The following ALOX5 variants were observed in gnomAD, a reference collection of about 807,000 sequenced individuals.
The protein encoded by ALOX5 is arachidonate 5-lipoxygenase.
In ALOX5, 64 loss-of-function variants were observed where a neutral mutation model predicts 87.9. That is an observed-to-expected ratio of 0.73 (90% CI 0.60 to 0.90). The LOEUF (loss-of-function observed/expected upper bound fraction) is 0.90. ALOX5 is among the 40% of genes least tolerant of loss of function. The pLI is 0.00. For missense variants in ALOX5, 822 were observed against 907.5 expected (o/e 0.91, Z 1.21); for synonymous variants, 388 against 355.1 (o/e 1.09, Z -1.04).
At position 45,424,871 on chromosome 10, in the gene ALOX5, G is replaced by A. The variant is rs578225550; in HGVS notation, c.662-89G>A. 217 of 1,506,570 alleles carry A rather than the reference G, an allele frequency of 1.4e-4. 2 individuals are homozygous for A. In the South Asian group the frequency reaches 2.6e-3, roughly 18 times the overall value. The allele number at this position is 1,506,570 out of a possible 1,614,324, so 93.3% of individuals were successfully genotyped here. A position where few individuals can be genotyped will look rare whatever the true frequency, so the allele number is the denominator to read the frequency against. On this transcript the variant is annotated intron_variant, in intron 5 of 13. Coordinates refer to ENST00000374391, the MANE Select transcript of ALOX5 (RefSeq NM_000698.5). The stretch of plus-strand genomic sequence containing the variant: ...CACTCGGGAGAGGAGACCAAGCAGG[G>A]ACTCTGCTCTTAGGTGAGGTCAGGA...
rs765141874 is a variant in ALOX5, at chr10:45,441,331, C to A, written c.1186-13C>A. The A allele has an allele frequency of 1.9e-6, 3 of 1,612,610 alleles. No individual in the cohort carries two copies. In the South Asian group the frequency reaches 3.3e-5, roughly 18 times the overall value. On this transcript the variant is annotated splice_polypyrimidine_tract_variant and intron_variant, in intron 8 of 13. Transcript: ENST00000374391. ...TGGGCCCCCTCTGAGGCCTCCTCCT[C>A]TCCCCTCCCCAGCTGCTGGTGGCAC...
intron 3 of ALOX5, among the ~76,000 whole-genome samples, chr10:45,397,603 G>A (rs924672597): frequency 6.6e-6 from 1 of 151,946 alleles, no homozygotes; most frequent in African/African-American, 2.4e-5. Context: ...CTTATATATA[G>A]AAAATCTGAA....
chr10:45,385,957 C>T (rs1839992076), intron 2 of ALOX5, among the ~76,000 whole-genome samples: 1 of 152,096 alleles, frequency 6.6e-6, no homozygotes, highest in African/African-American at 2.4e-5. Context: ...AGTTCCAGCA[C>T]TTTGGGTGGC....
chr10:45,403,036 T>C (rs1323553883), intron 3 of ALOX5, among the ~76,000 whole-genome samples: 2 of 152,180 alleles, frequency 1.3e-5, no homozygotes, highest in African/African-American at 4.8e-5. Flanking sequence ...AACACTCATA[T>C]ACCACCGGCA....
chr10:45,388,331 T>C (rs993204607), intron 2 of ALOX5, among the ~76,000 whole-genome samples: 1 of 152,174 alleles, frequency 6.6e-6, no homozygotes, highest in Non-Finnish European at 1.5e-5. Flanking sequence ...CTGACAGCTT[T>C]GAAGTGACTA....
chr10:45,384,184 T>A (rs1251291654), intron 2 of ALOX5, among the ~76,000 whole-genome samples: 1 of 152,154 alleles, frequency 6.6e-6, no homozygotes, highest in African/African-American at 2.4e-5. Context: ...TTGGAGGAGC[T>A]GCGGCCCTCA....
At chr10:45,383,719 C>T (rs951380381) in intron 2 of ALOX5, among the ~76,000 whole-genome samples, 4 of 152,202 alleles carry the variant, frequency 2.6e-5, no homozygotes. Context: ...TACCAGGCCA[C>T]ATCCCATCGT....
intron 7 of ALOX5, among the ~76,000 whole-genome samples, chr10:45,436,093 C>T (rs1842054731): frequency 6.6e-6 from 1 of 152,108 alleles, no homozygotes; most frequent in African/African-American, 2.4e-5. Flanking sequence ...CTGTTCCTGT[C>T]CTTTGCCCAC....
chr10:45,412,249 T>C lies in ALOX5; in HGVS notation c.490T>C (p.Leu164=). 6.2e-7 allele frequency: 1 copy of C among 1,614,142 alleles called. No homozygotes were observed. Among genetic ancestry groups the C allele is most frequent in the Non-Finnish European group, 8.5e-7 (1 of 1,180,006 alleles). The change falls in exon 4 of 14, where the codon TTA becomes CTA. Residue 164 remains leucine, a synonymous_variant. Coordinates refer to ENST00000374391, the MANE Select transcript of ALOX5 (RefSeq NM_000698.5). Reference sequence around the variant, plus strand: ...CATCGATGCCAAATGCCACAAGGATTTACCCCGTGATATCCAGTTTGATAG... The same window carrying C: ...CATCGATGCCAAATGCCACAAGGATCTACCCCGTGATATCCAGTTTGATAG... ...LSIDAKCHKD[L]PRDIQFDSEK... is the part of the protein sequence containing the mutation.
chr10:45,415,231 T>G (rs1039697534), intron 4 of ALOX5, among the ~76,000 whole-genome samples: 1 of 152,252 alleles, frequency 6.6e-6, no homozygotes, highest in African/African-American at 2.4e-5. Flanking sequence ...GTGGCACATA[T>G]GCACTATGGA....
At chr10:45,406,522 T>C (rs1330509891) in intron 3 of ALOX5, among the ~76,000 whole-genome samples, 5 of 152,240 alleles carry the variant, frequency 3.3e-5, no homozygotes, top group African/African-American at 1.2e-4. Flanking sequence ...AGCGTGTCTT[T>C]CCACCTCTCT....
Position 45,412,191 on chromosome 10 carries a change from A to G in ALOX5, c.432A>G (p.Arg144=), listed in dbSNP as rs780264294. Residue 144 remains arginine (R), a splice_region_variant and synonymous_variant, in exon 4 of 14, where the codon CGA becomes CGG. Coordinates refer to ENST00000374391, the MANE Select transcript of ALOX5 (RefSeq NM_000698.5). ...KELETRQKQY[R]WMEWNPGFPL... ...ATTTCTTCTCCTTTCTCATGCTCAG[A>G]TGGATGGAGTGGAACCCTGGCTTCC... 5.0e-6 allele frequency: 8 copies of G among 1,614,094 alleles called. No individual in the cohort carries two copies. The highest frequency in any genetic ancestry group is 6.8e-6 in the Non-Finnish European group (8 of 1,180,002).
intron 10 of ALOX5, 71 bp downstream of exon 10, chr10:45,443,287 G>A: frequency 1.3e-6 from 2 of 1,584,922 alleles, no homozygotes; most frequent in Non-Finnish European, 1.7e-6. Flanking sequence ...GGGCGGGCCT[G>A]GCCCCTCCAC....
chr10:45,434,392 A>T (rs989630008), intron 7 of ALOX5, among the ~76,000 whole-genome samples: 4 of 152,362 alleles, frequency 2.6e-5, no homozygotes, highest in South Asian at 4.1e-4. Flanking sequence ...CAACAGGAGC[A>T]TAGTTTGTGA....
At chr10:45,441,483 T>C (rs1842233584) in intron 9 of ALOX5, 53 bp downstream of exon 9, 1 of 1,548,876 alleles carries the variant, frequency 6.5e-7, no homozygotes. Context: ...CCTGGCCGCC[T>C]TCACTCCCTA....
At chr10:45,431,644 C>A (rs1841905760) in intron 7 of ALOX5, among the ~76,000 whole-genome samples, 1 of 152,008 alleles carries the variant, frequency 6.6e-6, no homozygotes, top group African/African-American at 2.4e-5. Context: ...GTGATCTCGG[C>A]TCACTGCAAC....
At position 45,425,170 on chromosome 10, in the gene ALOX5, A is replaced by G; in HGVS notation, c.834+38A>G. ...GGGCTGGGGAAGTGGCCAAGGTCAC[A>G]GTCTGTCAGGTGGAAGCCAGTTCCT... is the stretch of plus-strand genomic sequence containing the variant. On this transcript the variant is annotated intron_variant, in intron 6 of 13. Transcript: ENST00000374391. The surrounding 1 kb of genome is among the most constrained non-coding windows in gnomAD (Gnocchi z 4.4). 1 of 1,595,548 alleles carries G rather than the reference A, an allele frequency of 6.3e-7. No homozygotes were observed. Among genetic ancestry groups the G allele is most frequent in the Non-Finnish European group, 8.6e-7 (1 of 1,169,522 alleles).
intron 3 of ALOX5, 50 bp downstream of exon 3, chr10:45,395,986 T>C (rs755701098): frequency 6.4e-7 from 1 of 1,564,826 alleles, no homozygotes. Context: ...GTTTCTTCTA[T>C]CTCAAGAGCA....
intron 3 of ALOX5, among the ~76,000 whole-genome samples, chr10:45,399,579 G>T (rs768367249): frequency 2.0e-5 from 3 of 152,148 alleles, no homozygotes; most frequent in Non-Finnish European, 4.4e-5. Flanking sequence ...ATAATCTTGG[G>T]TTCGGCAAAG....
Sources: gnomAD v4.1 joint callset for allele counts (sites outside exome capture counted in the v4.1 genomes callset) on GRCh38, gnomAD v4.1.1 for gene constraint, Gnocchi (gnomAD v3.1) non-coding constraint, MANE v1.5 for transcripts, NCBI Gene and HGNC (gene_info 2026-07-23, HGNC 2026-07-21) for gene names.